Variants in SORL1 observed in about 807,000 individuals in gnomAD.
SORL1 encodes sortilin-related receptor.
In SORL1, 127 loss-of-function variants were observed where a neutral mutation model predicts 273.7. The ratio of observed to expected loss-of-function variants is 0.46; its 90% confidence interval spans 0.40 to 0.54. SORL1 has a LOEUF of 0.54. Among genes scored for constraint, SORL1 ranks in the 20% least tolerant of loss-of-function variants. The probability of loss-of-function intolerance (pLI) is 0.00; values close to 1 mark genes in which losing one functional copy is unlikely to be tolerated. For synonymous variants in SORL1, 1,031 were observed against 1,067.4 expected (o/e 0.97, Z 0.66); for missense variants, 2,494 against 2,846.1 (o/e 0.88, Z 2.81).
At chr11:121,469,641 G>A (rs1372810020) in intron 1 of SORL1, among the ~76,000 whole-genome samples, 2 of 152,200 alleles carry the variant, frequency 1.3e-5, no homozygotes. Flanking sequence ...CAAGGGCAAT[G>A]TTTCCATGCT....
At chr11:121,553,882 G>T in intron 16 of SORL1, 55 bp from the exon 17 acceptor site, 2 of 1,543,634 alleles carry the variant, frequency 1.3e-6, no homozygotes, top group Non-Finnish European at 1.8e-6. Context: ...GATGTGCTAG[G>T]ACCTCTTCAG....
chr11:121,577,192 T>C, intron 24 of SORL1, 89 bp from the exon 25 acceptor site: 2 of 1,483,432 alleles, frequency 1.3e-6, no homozygotes, highest in Non-Finnish European at 1.8e-6. Context: ...CACGGGTCCA[T>C]CTCCATCCTT....
At chr11:121,571,458 G>C (rs1020439264) in intron 23 of SORL1, among the ~76,000 whole-genome samples, 1 of 152,254 alleles carries the variant, frequency 6.6e-6, no homozygotes, top group Non-Finnish European at 1.5e-5. Context: ...GTTCATCTTT[G>C]GAAGGATAAG....
In SORL1 at chr11:121,581,395, A is replaced by G. The variant is rs560251984; in HGVS notation, c.3581-2063A>G. 2.0e-4 allele frequency among the ~76,000 whole-genome samples: 30 copies of G among 152,326 alleles called. No individual in the cohort carries two copies. In the South Asian group the frequency reaches 2.9e-3, roughly 15 times the overall value. ...AGATTAAGTTGTAGGATATTGACCT[A>G]TATTAGAAACTGATGTTAGATTTCC... On this transcript the variant is annotated intron_variant, in intron 25 of 47. Coordinates refer to ENST00000260197, the MANE Select transcript of SORL1 (RefSeq NM_003105.6).
At chr11:121,507,578 A>G (rs1409410943) in intron 6 of SORL1, among the ~76,000 whole-genome samples, 1 of 151,894 alleles carries the variant, frequency 6.6e-6, no homozygotes, top group Non-Finnish European at 1.5e-5. Flanking sequence ...TTCTTTTATT[A>G]TACTTTTCAA....
At chr11:121,625,998 T>C (rs1863789889) in intron 46 of SORL1, among the ~76,000 whole-genome samples, 1 of 152,144 alleles carries the variant, frequency 6.6e-6, no homozygotes, top group African/African-American at 2.4e-5. Context: ...TGAGATCTTG[T>C]GCAATATTTA....
intron 32 of SORL1, among the ~76,000 whole-genome samples, chr11:121,601,030 G>C (rs1863381281): frequency 6.8e-6 from 1 of 147,698 alleles, no homozygotes; most frequent in African/African-American, 2.5e-5. Context: ...ATATCTCCCA[G>C]TGCTATCCCT....
rs1862498026 is a variant in SORL1 at position 121,550,791 on chromosome 11, A to G, written c.2266+121A>G. ...AGTGGAGAAAAACAATGGCCGTCACAAGCATCACAGGGCTTCCTCTTTTCC... is the reference window on the plus strand; with the variant it reads ...AGTGGAGAAAAACAATGGCCGTCACGAGCATCACAGGGCTTCCTCTTTTCC... On this transcript the variant is annotated intron_variant, in intron 16 of 47. Transcript: ENST00000260197. This position sits in a 1 kb window ranked among gnomAD's most constrained non-coding sequence, Gnocchi z 5.3. The G allele has an allele frequency of 1.2e-5, 9 of 728,514 alleles. No individual in the cohort carries two copies. Among genetic ancestry groups the G allele is most frequent in the Middle Eastern group, 2.4e-4 (1 of 4,126 alleles). The allele number at this position is 728,514 out of a possible 1,614,324, so 45.1% of individuals were successfully genotyped here. A position where few individuals can be genotyped will look rare whatever the true frequency, so the allele number is the denominator to read the frequency against.
Position 121,612,729 on chromosome 11 carries a change from T to C in SORL1, c.5323-7T>C, listed in dbSNP as rs1166373503. 3.1e-6 allele frequency: 5 copies of C among 1,612,536 alleles called. No individual in the cohort carries two copies. Among genetic ancestry groups the C allele is most frequent in the African/African-American group, 1.3e-5 (1 of 74,910 alleles). On this transcript the variant is annotated splice_region_variant and splice_polypyrimidine_tract_variant and intron_variant, in intron 39 of 47. Transcript: ENST00000260197. ...GTTCATCTAACATGCTTCTTGGTTC[T>C]CGGCAGGTGAATGGCTATGTGGTGA...
At chr11:121,487,818 T>C (rs1861496811) in intron 3 of SORL1, among the ~76,000 whole-genome samples, 1 of 152,212 alleles carries the variant, frequency 6.6e-6, no homozygotes, top group African/African-American at 2.4e-5. Context: ...CCAGGCCTCC[T>C]TTCGCTGAGC....
chr11:121,596,086 G>A lies in SORL1; in HGVS notation c.4519+314G>A, dbSNP rs1327669645. 2.0e-5 allele frequency among the ~76,000 whole-genome samples: 3 copies of A among 152,184 alleles called. No homozygotes were observed. Among genetic ancestry groups the A allele is most frequent in the African/African-American group, 7.2e-5 (3 of 41,432 alleles). ...TGTTTAACTCTTTAAAAACGCCCTT[G>A]GGGAAAGCCACAACTCTTCTGTATG... On this transcript the variant is annotated intron_variant, in intron 32 of 47. Transcript: ENST00000260197. The surrounding 1 kb of genome is among the most constrained non-coding windows in gnomAD (Gnocchi z 4.3).
intron 5 of SORL1, 81 bp downstream of exon 5, chr11:121,490,191 C>T: frequency 1.1e-6 from 1 of 932,352 alleles, no homozygotes; most frequent in Non-Finnish European, 1.8e-6. Flanking sequence ...GACAAACTGC[C>T]CTCCCCTGAA....
Position 121,606,847 on chromosome 11 carries a change from C to G in SORL1, c.4951C>G (p.Pro1651Ala), listed in dbSNP as rs371077596. 5 of 1,604,370 alleles carry G rather than the reference C, an allele frequency of 3.1e-6. No homozygotes were observed. Among genetic ancestry groups the G allele is most frequent in the Non-Finnish European group, 4.3e-6 (5 of 1,174,180 alleles). The change falls in exon 36 of 48, where the codon CCA (proline) becomes GCA (alanine). Residue 1651 changes from proline (P) to alanine (A), a missense_variant and splice_region_variant. Pro to Ala is a conservative substitution (Grantham distance 27). Coordinates refer to ENST00000260197, the MANE Select transcript of SORL1 (RefSeq NM_003105.6). ...CCTTGAGTTGACTCTTTTTCTAGTG[C>G]CAGATGCCCCTCGAAATCTCCAGCT... ...FVTLRTPEGLPDAPRNLQLSL... is the reference protein window; with the variant it reads ...FVTLRTPEGLADAPRNLQLSL...
chr11:121,486,852 C>G (rs1861480507), intron 3 of SORL1, among the ~76,000 whole-genome samples: 1 of 152,050 alleles, frequency 6.6e-6, no homozygotes, highest in African/African-American at 2.4e-5. Context: ...TCCCAACTAC[C>G]TGGGAGGCTG....
At chr11:121,466,438 A>T (rs2134776735) in intron 1 of SORL1, among the ~76,000 whole-genome samples, 1 of 152,278 alleles carries the variant, frequency 6.6e-6, no homozygotes, top group South Asian at 2.1e-4. Flanking sequence ...AAAGGGATCT[A>T]GGGACCTGTG....
chr11:121,560,057 TC>T (rs1382208834), intron 21 of SORL1, among the ~76,000 whole-genome samples: 1 of 152,242 alleles, frequency 6.6e-6, no homozygotes, highest in Non-Finnish European at 1.5e-5. Context: ...TCTTGCTTGT[TC>T]TCTGGTTGCC....
At chr11:121,464,189 G>A (rs556974934) in intron 1 of SORL1, among the ~76,000 whole-genome samples, 6 of 152,266 alleles carry the variant, frequency 3.9e-5, no homozygotes, top group African/African-American at 1.2e-4. Flanking sequence ...GCAAGCTGTG[G>A]GAGTCTAGGA....
intron 21 of SORL1, among the ~76,000 whole-genome samples, chr11:121,560,817 T>C (rs1185326987): frequency 1.3e-5 from 2 of 152,236 alleles, no homozygotes; most frequent in East Asian, 1.9e-4. Flanking sequence ...GCTGGTATTA[T>C]GATCCATGGT....
At position 121,547,417 on chromosome 11, in the gene SORL1, C is replaced by CAAAAAAAAAAAAA. The variant is rs67390938; in HGVS notation, c.2051+2004_2051+2016dup. The stretch of plus-strand genomic sequence containing the variant: ...TGCCCTACATTTCCCCAACCCTCAC[C>CAAAAAAAAAAAAA]AAAAAAAAAAAAAAAAAAAAAAAAA... On this transcript the variant is annotated intron_variant, in intron 14 of 47. Transcript: ENST00000260197. Among the ~76,000 whole-genome samples, 64 of 24,042 alleles carry CAAAAAAAAAAAAA rather than the reference C, an allele frequency of 2.7e-3. 10 individuals are homozygous for CAAAAAAAAAAAAA. Among genetic ancestry groups the CAAAAAAAAAAAAA allele is most frequent in the African/African-American group, 4.6e-3 (19 of 4,102 alleles). 15.8% of individuals were successfully genotyped at this position (24,042 alleles called of 152,430 possible).
Sources: allele counts gnomAD v4.1 joint callset (sites outside exome capture counted in the v4.1 genomes callset), GRCh38; gene constraint gnomAD v4.1.1; non-coding constraint Gnocchi (gnomAD v3.1); transcripts MANE v1.5; gene names NCBI Gene and HGNC (gene_info 2026-07-23, HGNC 2026-07-21).